The following F2R variants were observed in gnomAD, a reference collection of about 807,000 sequenced individuals.
F2R encodes the protein proteinase-activated receptor 1.
A neutral mutation model predicts 18.3 loss-of-function variants in F2R; 12 were observed. The ratio of observed to expected loss-of-function variants is 0.66; its 90% CI spans 0.42 to 1.06. The LOEUF is 1.06. Among genes scored for constraint, F2R ranks in the 50% least tolerant of loss-of-function variants. The pLI, the probability that F2R is intolerant of heterozygous loss-of-function variation, is 0.00. For missense variants in F2R, 438 were observed against 530.8 expected (o/e 0.83, Z 1.72); for synonymous variants, 210 against 219.9 (o/e 0.95, Z 0.40).
At chr5:76,728,360 C>T (rs1748609106) in intron 1 of F2R, among the ~76,000 whole-genome samples, 2 of 152,142 alleles carry the variant, frequency 1.3e-5, no homozygotes, top group African/African-American at 4.8e-5. Flanking sequence ...ACCCATCCAA[C>T]CCCAGCCTCT....
intron 1 of F2R, among the ~76,000 whole-genome samples, chr5:76,720,856 G>A (rs1748437418): frequency 6.6e-6 from 1 of 152,160 alleles, no homozygotes; most frequent in African/African-American, 2.4e-5. Flanking sequence ...TACTCAGGCT[G>A]GAGTGCAGAG....
At chr5:76,732,241 C>A in intron 1 of F2R, 73 bp from the exon 2 acceptor site, 1 of 1,189,330 alleles carries the variant, frequency 8.4e-7, no homozygotes, top group Non-Finnish European at 1.2e-6. Context: ...AAAATATGCT[C>A]TCTGCTTGTC....
intron 1 of F2R, among the ~76,000 whole-genome samples, chr5:76,725,102 T>C (rs1301912563): frequency 1.3e-5 from 2 of 152,172 alleles, no homozygotes; most frequent in African/African-American, 4.8e-5. Context: ...GGCAGAACTG[T>C]GAGTCAAAAC....
At position 76,733,515 on chromosome 5, in the gene F2R, G is replaced by T; in HGVS notation, c.*12G>T. ...AGCTGTTAACTTAGGAAAAGGGACT[G>T]CTGGGAGGTTAAAAAGAAAAGTTTA... On this transcript the variant is annotated 3_prime_UTR_variant, in exon 2 of 2. Coordinates refer to ENST00000319211, the MANE Select transcript of F2R (RefSeq NM_001992.5). 1 of 1,575,446 alleles carries T rather than the reference G, an allele frequency of 6.3e-7. No homozygotes were observed. Among genetic ancestry groups the T allele is most frequent in the Non-Finnish European group, 8.6e-7 (1 of 1,163,714 alleles).
chr5:76,729,706 G>T (rs149039036), intron 1 of F2R, among the ~76,000 whole-genome samples: 18 of 152,276 alleles, frequency 1.2e-4, no homozygotes, highest in African/African-American at 3.6e-4. Context: ...GGGACAAGAC[G>T]TCCAGAGTTT....
At chr5:76,728,685 C>CTTGTTTTT (rs1748615556) in intron 1 of F2R, among the ~76,000 whole-genome samples, 1 of 90,510 alleles carries the variant, frequency 1.1e-5, no homozygotes. Context: ...ACATCCTGGT[C>CTTGTTTTT]TTTTTTTTTT....
chr5:76,723,206 C>T (rs1748498648), intron 1 of F2R, among the ~76,000 whole-genome samples: 2 of 152,168 alleles, frequency 1.3e-5, no homozygotes, highest in African/African-American at 4.8e-5. Context: ...GTTAAGCTAG[C>T]CATTCACATG....
At position 76,732,431 on chromosome 5, in the gene F2R, A is replaced by G. The variant is rs1371883982; in HGVS notation, c.206A>G (p.Tyr69Cys). 5 of 1,614,190 alleles carry G rather than the reference A, an allele frequency of 3.1e-6. No homozygotes were observed. The Admixed American group carries it at 5.0e-5, about 16-fold the overall frequency. Residue 69 changes from tyrosine (Y) to cysteine (C), a missense_variant, in exon 2 of 2, where the codon TAC becomes TGC. By Grantham distance (194) the Tyr-to-Cys change is radical. Transcript: ENST00000319211. ...AAAAATGAAAGTGGGTTAACTGAAT[A>G]CAGATTAGTCTCCATCAATAAAAGC... ...EEKNESGLTE[Y>C]RLVSINKSSP... is the part of the protein sequence containing the mutation.
At chr5:76,719,466 G>A (rs184543935) in intron 1 of F2R, among the ~76,000 whole-genome samples, 1 of 152,318 alleles carries the variant, frequency 6.6e-6, no homozygotes, top group African/African-American at 2.4e-5. Flanking sequence ...GTGCACACCT[G>A]TAGTCACAGC....
Position 76,733,573 on chromosome 5 carries a change from C to A in F2R, c.*70C>A. 8.1e-7 allele frequency: 1 copy of A among 1,240,040 alleles called. No homozygotes were observed. Among genetic ancestry groups the A allele is most frequent in the Non-Finnish European group, 1.1e-6 (1 of 904,330 alleles). The allele number at this position is 1,240,040 out of a possible 1,614,324, so 76.8% of individuals were successfully genotyped here. On this transcript the variant is annotated 3_prime_UTR_variant, in exon 2 of 2. Coordinates refer to ENST00000319211, the MANE Select transcript of F2R (RefSeq NM_001992.5). ...GAATAACCTGAGGATTCTATTAGTC[C>A]CCACCCAAACTTTATTGATTCACCT... is the stretch of plus-strand genomic sequence containing the variant.
At chr5:76,723,218 C>T (rs1748498785) in intron 1 of F2R, among the ~76,000 whole-genome samples, 1 of 152,158 alleles carries the variant, frequency 6.6e-6, no homozygotes, top group South Asian at 2.1e-4. Flanking sequence ...ATTCACATGT[C>T]CACATACTGC....
At chr5:76,721,315 C>T (rs1373093734) in intron 1 of F2R, among the ~76,000 whole-genome samples, 3 of 152,132 alleles carry the variant, frequency 2.0e-5, no homozygotes, top group Non-Finnish European at 2.9e-5. Flanking sequence ...CTTTCTCTTG[C>T]TTGTGCCTAA....
At chr5:76,730,471 A>C (rs1748649825) in intron 1 of F2R, among the ~76,000 whole-genome samples, 1 of 152,194 alleles carries the variant, frequency 6.6e-6, no homozygotes, top group Admixed American at 6.5e-5. Flanking sequence ...AGGAAAAACC[A>C]AACTATTTTC....
intron 1 of F2R, among the ~76,000 whole-genome samples, chr5:76,721,459 G>A (rs1368216715): frequency 6.6e-6 from 1 of 152,046 alleles, no homozygotes; most frequent in Admixed American, 6.6e-5. Context: ...GGGCCCTGAC[G>A]GTCCTATATA....
At chr5:76,730,754 A>G (rs2227794) in intron 1 of F2R, among the ~76,000 whole-genome samples, 2,594 of 152,296 alleles carry the variant, frequency 0.017, 69 homozygotes, top group African/African-American at 0.059. Flanking sequence ...TGGCAGTCAT[A>G]AGTCTGGGCC....
In F2R at chr5:76,716,349, T is replaced by C. The variant is rs6896558; in HGVS notation, c.42T>C (p.Ser14=). 2 of 1,455,030 alleles carry C rather than the reference T, an allele frequency of 1.4e-6. No individual in the cohort carries two copies. Among genetic ancestry groups the C allele is most frequent in the African/African-American group, 2.9e-5 (2 of 68,618 alleles). The allele number at this position is 1,455,030 out of a possible 1,614,324, so 90.1% of individuals were successfully genotyped here. ...TGCTGCTGGTGGCCGCCTGCTTCAG[T>C]CTGTGCGGCCCGCTGTTGTCTGCCC... The part of the protein sequence containing the change: ...RRLLLVAACF[S]LCGPLLSART... Residue 14 remains serine, a synonymous_variant, in exon 1 of 2, where the codon AGT becomes AGC. Coordinates refer to ENST00000319211, the MANE Select transcript of F2R (RefSeq NM_001992.5).
chr5:76,716,166 C>A lies in F2R; in HGVS notation c.-142C>A. ...AGCGCTCGCCGAGGGTCGCTTGGAC[C>A]CTGATCTTACCCGTGGGCACCCTGC... On this transcript the variant is annotated 5_prime_UTR_variant, in exon 1 of 2. Transcript: ENST00000319211. 1.7e-6 allele frequency: 1 copy of A among 573,890 alleles called. No homozygotes were observed. The allele number at this position is 573,890 out of a possible 1,614,324, so 35.5% of individuals were successfully genotyped here. A position where few individuals can be genotyped will look rare whatever the true frequency, so the allele number is the denominator to read the frequency against.
intron 1 of F2R, among the ~76,000 whole-genome samples, chr5:76,726,207 G>T (rs1052160809): frequency 4.6e-5 from 7 of 152,012 alleles, no homozygotes. Context: ...TGGCAAGCAT[G>T]GTGAAACCCC....
At position 76,732,970 on chromosome 5, in the gene F2R, C is replaced by G; in HGVS notation, c.745C>G (p.Leu249Val). 1 of 1,614,186 alleles carries G rather than the reference C, an allele frequency of 6.2e-7. No homozygotes were observed. Among genetic ancestry groups the G allele is most frequent in the Non-Finnish European group, 8.5e-7 (1 of 1,180,050 alleles). The change falls in exon 2 of 2, where the codon CTC becomes GTC. Residue 249 changes from leucine to valine, a missense_variant. Physicochemically the swap from Leu to Val is conservative, Grantham distance 32 (BLOSUM62 1). Transcript: ENST00000319211. ...LKEQTIQVPG[L>V]NITTCHDVLN... is the part of the protein sequence containing the mutation. ...GGAGCAAACCATCCAGGTGCCCGGG[C>G]TCAACATCACTACCTGTCATGATGT...
Sources: gnomAD v4.1 joint callset for allele counts (sites outside exome capture counted in the v4.1 genomes callset) on GRCh38, gnomAD v4.1.1 for gene constraint, MANE v1.5 for transcripts, NCBI Gene and HGNC (gene_info 2026-07-23, HGNC 2026-07-21) for gene names.